The following CENPP variants were observed in gnomAD, a reference collection of about 807,000 sequenced individuals.
CENPP encodes the protein centromere protein P.
Under a neutral mutation model 35.6 loss-of-function variants are expected in CENPP, and 24 were observed. The ratio of observed to expected loss-of-function variants is 0.67; its 90% CI spans 0.49 to 0.95. The LOEUF is 0.95. Ranked by LOEUF, CENPP falls within the 40% of genes least tolerant of loss-of-function variation. The pLI, the probability that CENPP is intolerant of heterozygous loss-of-function variation, is 0.00. For synonymous variants in CENPP, 120 were observed against 125.5 expected, an observed-to-expected ratio of 0.96 and a Z score of 0.29; for missense variants, 332 against 345.3, an observed-to-expected ratio of 0.96 and a Z score of 0.31.
intron 5 of CENPP, among the ~76,000 whole-genome samples, chr9:92,571,501 T>C (rs1850138158): frequency 1.3e-5 from 2 of 152,238 alleles, no homozygotes; most frequent in East Asian, 1.9e-4. Flanking sequence ...TACTTCCAAC[T>C]ATGTGGTCAA....
intron 5 of CENPP, among the ~76,000 whole-genome samples, chr9:92,462,815 T>C (rs1845166718): frequency 6.6e-6 from 1 of 152,202 alleles, no homozygotes; most frequent in South Asian, 2.1e-4. Context: ...AAAGGTTCTG[T>C]CCTCAAAGAC....
chr9:92,403,580 C>G, intron 5 of CENPP: 3 of 1,236,560 alleles, frequency 2.4e-6, no homozygotes, highest in Non-Finnish European at 3.0e-6. Context: ...AGTATTTAAC[C>G]CTTAGTGATC....
chr9:92,607,397 T>C (rs1216322060), intron 5 of CENPP, among the ~76,000 whole-genome samples: 1 of 152,122 alleles, frequency 6.6e-6, no homozygotes, highest in Admixed American at 6.5e-5. Flanking sequence ...TGGTTGCTTA[T>C]GGCTGTACTG....
At chr9:92,419,072 G>A (rs1284078274) in intron 5 of CENPP, among the ~76,000 whole-genome samples, 1 of 152,048 alleles carries the variant, frequency 6.6e-6, no homozygotes, top group Non-Finnish European at 1.5e-5. Flanking sequence ...TGCAGGAGGA[G>A]GATATTGTGT....
chr9:92,491,651 G>C (rs1846175257), intron 5 of CENPP, among the ~76,000 whole-genome samples: 1 of 152,102 alleles, frequency 6.6e-6, no homozygotes, highest in African/African-American at 2.4e-5. Context: ...CAACTTCTTA[G>C]CAGCATTATG....
At chr9:92,394,046 A>G (rs1251730780) in intron 5 of CENPP, among the ~76,000 whole-genome samples, 5 of 152,180 alleles carry the variant, frequency 3.3e-5, no homozygotes, top group African/African-American at 1.2e-4. Context: ...TTGAGAATCT[A>G]AATGTCTGGT....
chr9:92,601,069 G>A (rs902654558), intron 5 of CENPP, among the ~76,000 whole-genome samples: 2 of 152,142 alleles, frequency 1.3e-5, no homozygotes, highest in Admixed American at 6.5e-5. Context: ...CTGTGTTTGC[G>A]TGTCCGAGCC....
At chr9:92,378,309 C>G (rs1842168736) in intron 4 of CENPP, among the ~76,000 whole-genome samples, 1 of 152,112 alleles carries the variant, frequency 6.6e-6, no homozygotes, top group South Asian at 2.1e-4. Flanking sequence ...AGGCCTGTTT[C>G]TTCTCATTTT....
intron 5 of CENPP, among the ~76,000 whole-genome samples, chr9:92,497,454 G>T (rs1207727392): frequency 6.6e-6 from 1 of 150,558 alleles, no homozygotes; most frequent in African/African-American, 2.4e-5. Flanking sequence ...GAGAAACCCC[G>T]TCTCTACTGA....
intron 4 of CENPP, among the ~76,000 whole-genome samples, chr9:92,372,140 T>A (rs1842026201): frequency 7.3e-6 from 1 of 136,756 alleles, no homozygotes; most frequent in Non-Finnish European, 1.5e-5. Context: ...TTAACTGTTC[T>A]TGACTTAAAG....
intron 6 of CENPP, 115 bp downstream of exon 6, chr9:92,611,508 C>A: frequency 1.3e-6 from 1 of 768,810 alleles, no homozygotes; most frequent in South Asian, 1.8e-5. Context: ...AACTAAAGGT[C>A]GTCGGTTGGA....
intron 5 of CENPP, chr9:92,502,504 T>G (rs767270946): frequency 9.9e-6 from 16 of 1,611,462 alleles, no homozygotes; most frequent in African/African-American, 1.3e-5. Context: ...AATTGTAGCA[T>G]GTACTTACTC....
chr9:92,537,036 A>T (rs1250119206), intron 5 of CENPP, among the ~76,000 whole-genome samples: 1 of 151,340 alleles, frequency 6.6e-6, no homozygotes, highest in African/African-American at 2.4e-5. Context: ...TGCCAGATTA[A>T]TTTTTGTATT....
chr9:92,505,161 T>A (rs766959210), intron 5 of CENPP, among the ~76,000 whole-genome samples: 3 of 152,234 alleles, frequency 2.0e-5, no homozygotes, highest in Non-Finnish European at 2.9e-5. Context: ...TCTGTTACGG[T>A]TAATACCTGT....
intron 5 of CENPP, among the ~76,000 whole-genome samples, chr9:92,419,579 G>A (rs915276756): frequency 5.3e-5 from 8 of 152,062 alleles, no homozygotes; most frequent in East Asian, 3.9e-4. Context: ...GATTACGGGC[G>A]TGAGCCACTG....
chr9:92,572,363 G>T (rs1307948171), intron 5 of CENPP, among the ~76,000 whole-genome samples: 2 of 152,134 alleles, frequency 1.3e-5, no homozygotes, highest in African/African-American at 4.8e-5. Context: ...AGTTTGGCTG[G>T]ATATGAAATT....
At position 92,616,083 on chromosome 9, in the gene CENPP, G is replaced by A; in HGVS notation, c.*2934G>A. ...CTGCAAGTAAAAAGTACCATTTCAG[G>A]ATACACAAGCCCCCCATTCATTTCC... On this transcript the variant is annotated 3_prime_UTR_variant, in exon 8 of 8. Coordinates refer to ENST00000375587, the MANE Select transcript of CENPP (RefSeq NM_001012267.3). 6.6e-7 allele frequency: 1 copy of A among 1,511,536 alleles called. No homozygotes were observed. Among genetic ancestry groups the A allele is most frequent in the Non-Finnish European group, 9.1e-7 (1 of 1,092,920 alleles). 93.6% of individuals were successfully genotyped at this position (1,511,536 alleles called of 1,614,324 possible). A position where few individuals can be genotyped will look rare whatever the true frequency, so the allele number is the denominator to read the frequency against.
At chr9:92,460,439 G>T (rs755284490) in intron 5 of CENPP, 2 of 1,270,194 alleles carry the variant, frequency 1.6e-6, no homozygotes, top group Non-Finnish European at 1.1e-6. Context: ...TCTCCAGGAG[G>T]TATCATTCTA....
At chr9:92,392,385 A>G (rs1842720670) in intron 5 of CENPP, among the ~76,000 whole-genome samples, 2 of 152,150 alleles carry the variant, frequency 1.3e-5, no homozygotes, top group Admixed American at 6.5e-5. Flanking sequence ...GCACTTTGGG[A>G]GGCCGAGGCG....
Sources: allele counts gnomAD v4.1 joint callset (sites outside exome capture counted in the v4.1 genomes callset), GRCh38; gene constraint gnomAD v4.1.1; transcripts MANE v1.5; gene names NCBI Gene and HGNC (gene_info 2026-07-23, HGNC 2026-07-21).